SPATS2L: variants seen among roughly 807,000 people sequenced by gnomAD.
SPATS2L encodes the protein spermatogenesis associated serine rich 2 like.
A neutral mutation model predicts 59.6 loss-of-function variants in SPATS2L; 30 were observed. The ratio of observed to expected loss-of-function variants is 0.50; its 90% CI spans 0.38 to 0.68. The LOEUF (loss-of-function observed/expected upper bound fraction) is 0.68. SPATS2L is among the 30% of genes least tolerant of loss of function. The probability of loss-of-function intolerance (pLI) is 0.00; values close to 1 mark genes in which losing one functional copy is unlikely to be tolerated. For missense variants in SPATS2L, 615 were observed against 700.0 expected (o/e 0.88, Z 1.37); for synonymous variants, 252 against 263.5 (o/e 0.96, Z 0.42).
rs561657786 is a variant in SPATS2L at position 200,404,981 on chromosome 2, G to A, written c.40-7330G>A. Among the ~76,000 whole-genome samples, 6 of 152,116 alleles carry A rather than the reference G, an allele frequency of 3.9e-5. No homozygotes were observed. In the East Asian group the frequency reaches 1.2e-3, roughly 29 times the overall value. On this transcript the variant is annotated intron_variant, in intron 3 of 12. Coordinates refer to ENST00000409140, the MANE Select transcript of SPATS2L (RefSeq NM_001100423.2). ...TATACTGGACCCACTGAGATAATCC[G>A]GGATGATCTCCCCATTTGAAGGTCA...
At chr2:200,436,987 C>G (rs2084341405) in intron 6 of SPATS2L, among the ~76,000 whole-genome samples, 1 of 152,046 alleles carries the variant, frequency 6.6e-6, no homozygotes, top group African/African-American at 2.4e-5. Flanking sequence ...GTATGTGGCA[C>G]CTCTCCCCTC....
chr2:200,393,004 A>G (rs1040805169), intron 3 of SPATS2L: 2 of 335,514 alleles, frequency 6.0e-6, no homozygotes, highest in African/African-American at 2.2e-5. Context: ...ATTGAGTAAA[A>G]AATAGCAGCA....
At chr2:200,374,616 G>A (rs1302368636) in intron 2 of SPATS2L, among the ~76,000 whole-genome samples, 1 of 152,006 alleles carries the variant, frequency 6.6e-6, no homozygotes, top group African/African-American at 2.4e-5. Flanking sequence ...TCTGGCCCAG[G>A]AGGAGCACAC....
Position 200,479,895 on chromosome 2 carries a change from A to C in SPATS2L, c.*1864A>C. The C allele has an allele frequency of 2.5e-6, 1 of 397,322 alleles. No homozygotes were observed. Among genetic ancestry groups the C allele is most frequent in the Admixed American group, 4.4e-5 (1 of 22,726 alleles). 24.6% of individuals were successfully genotyped at this position (397,322 alleles called of 1,614,324 possible). ...CTGGGTGTACCCAGAGATTTAATAG[A>C]AATTCTTAACGTTAAGTCACATTCC... On this transcript the variant is annotated 3_prime_UTR_variant, in exon 13 of 13. Transcript: ENST00000409140.
intron 7 of SPATS2L, among the ~76,000 whole-genome samples, chr2:200,440,394 A>G (rs2084614953): frequency 6.6e-6 from 1 of 152,218 alleles, no homozygotes; most frequent in Admixed American, 6.5e-5. Context: ...TAATGATGAC[A>G]GCCTCCTTCC....
At position 200,345,434 on chromosome 2, in the gene SPATS2L, AGCT is replaced by A. The variant is rs1490229670; in HGVS notation, c.-23+15956_-23+15958del. ...CTGTATTTGTTTGTAAACATATTTC[AGCT>A]GAACATGTGTGCTGTGATTTTGAAA... On this transcript the variant is annotated intron_variant, in intron 2 of 12. Transcript: ENST00000409140. Among the ~76,000 whole-genome samples, 171 of 152,338 alleles carry A rather than the reference AGCT, an allele frequency of 1.1e-3. 1 individual carries two copies. The highest frequency in any genetic ancestry group is 2.0e-3 in the Admixed American group (31 of 15,302).
chr2:200,368,480 A>G (rs2081329666), intron 2 of SPATS2L, among the ~76,000 whole-genome samples: 1 of 152,196 alleles, frequency 6.6e-6, no homozygotes, highest in Non-Finnish European at 1.5e-5. Context: ...CTCTCTAGAG[A>G]AGTAAAGTAA....
intron 2 of SPATS2L, among the ~76,000 whole-genome samples, chr2:200,354,564 T>C (rs1448764297): frequency 6.6e-6 from 1 of 151,796 alleles, no homozygotes; most frequent in Non-Finnish European, 1.5e-5. Flanking sequence ...GCTGAGATTG[T>C]GCCATTGCAC....
chr2:200,347,510 C>T (rs954822958), intron 2 of SPATS2L, among the ~76,000 whole-genome samples: 1 of 152,182 alleles, frequency 6.6e-6, no homozygotes, highest in Non-Finnish European at 1.5e-5. Flanking sequence ...TTAAACAAAG[C>T]CCCCGGTTTG....
At chr2:200,379,200 C>G (rs1164041362) in intron 2 of SPATS2L, among the ~76,000 whole-genome samples, 1 of 152,170 alleles carries the variant, frequency 6.6e-6, no homozygotes, top group African/African-American at 2.4e-5. Context: ...GCTCTGGAGC[C>G]AGGAGATATA....
intron 6 of SPATS2L, among the ~76,000 whole-genome samples, chr2:200,434,800 T>G (rs571117319): frequency 1.3e-5 from 2 of 152,070 alleles, no homozygotes; most frequent in Non-Finnish European, 2.9e-5. Context: ...TCAACACAAG[T>G]CCAATGAAAA....
At chr2:200,383,122 G>A (rs2081878965) in intron 2 of SPATS2L, among the ~76,000 whole-genome samples, 1 of 152,126 alleles carries the variant, frequency 6.6e-6, no homozygotes, top group African/African-American at 2.4e-5. Context: ...GTCTGGTGAG[G>A]GGCAGAGTAT....
At chr2:200,458,687 A>G (rs886386004) in intron 8 of SPATS2L, among the ~76,000 whole-genome samples, 3 of 152,112 alleles carry the variant, frequency 2.0e-5, no homozygotes, top group South Asian at 2.1e-4. Flanking sequence ...CAATCAACCA[A>G]TTGGAATGAA....
At position 200,482,050 on chromosome 2, in the gene SPATS2L, G is replaced by A. The variant is rs2087791150; in HGVS notation, c.*4019G>A. The A allele has an allele frequency of 6.6e-6, 1 of 152,100 alleles. No homozygotes were observed. Among genetic ancestry groups the A allele is most frequent in the Admixed American group, 6.5e-5 (1 of 15,274 alleles). 9.4% of individuals were successfully genotyped at this position (152,100 alleles called of 1,614,324 possible). ...AAAGACCAAAAAAAAAGGAAAAAAAGCAGTTCGCCTAATACATTGTTCCAG... is the reference window on the plus strand; with the variant it reads ...AAAGACCAAAAAAAAAGGAAAAAAAACAGTTCGCCTAATACATTGTTCCAG... On this transcript the variant is annotated 3_prime_UTR_variant, in exon 13 of 13. Transcript: ENST00000409140.
chr2:200,410,348 A>AT (rs1044435536), intron 3 of SPATS2L, among the ~76,000 whole-genome samples: 6 of 151,938 alleles, frequency 3.9e-5, no homozygotes, highest in Non-Finnish European at 5.9e-5. Flanking sequence ...GGATGGAGGG[A>AT]TTTTTTTGTG....
chr2:200,361,074 A>T (rs1975584), intron 2 of SPATS2L, among the ~76,000 whole-genome samples: 1 of 96,086 alleles, frequency 1.0e-5, no homozygotes, highest in African/African-American at 4.3e-5. Flanking sequence ...ACTATTCCCC[A>T]CCCCACCCCC....
At chr2:200,436,934 A>G (rs2084337010) in intron 6 of SPATS2L, among the ~76,000 whole-genome samples, 1 of 152,086 alleles carries the variant, frequency 6.6e-6, no homozygotes, top group African/African-American at 2.4e-5. Context: ...GTGATAAGCG[A>G]GTTCTTGCTC....
intron 6 of SPATS2L, among the ~76,000 whole-genome samples, chr2:200,422,787 A>G (rs1487884703): frequency 6.6e-6 from 1 of 152,170 alleles, no homozygotes; most frequent in Non-Finnish European, 1.5e-5. Context: ...ATACTATACT[A>G]TGCTAAAGTT....
At chr2:200,401,319 C>A (rs1268860017) in intron 3 of SPATS2L, among the ~76,000 whole-genome samples, 2 of 151,834 alleles carry the variant, frequency 1.3e-5, no homozygotes, top group Admixed American at 1.3e-4. Flanking sequence ...TCCTAAGCCA[C>A]AGAAATAGTG....
Sources: gnomAD v4.1 joint callset for allele counts (sites outside exome capture counted in the v4.1 genomes callset) on GRCh38, gnomAD v4.1.1 for gene constraint, MANE v1.5 for transcripts, NCBI Gene and HGNC (gene_info 2026-07-23, HGNC 2026-07-21) for gene names.